Variants in DACH1 observed in about 807,000 individuals in gnomAD.
DACH1 encodes dachshund homolog 1.
Under a neutral mutation model 54.2 loss-of-function variants are expected in DACH1, and 12 were observed. The observed-to-expected ratio is 0.22, with a 90% confidence interval of 0.14 to 0.36. The LOEUF is 0.36. Ranked by LOEUF, DACH1 falls within the 10% of genes least tolerant of loss-of-function variation. The probability of loss-of-function intolerance (pLI) is 1.00; values close to 1 mark genes in which losing one functional copy is unlikely to be tolerated. For synonymous variants in DACH1, 386 were observed against 366.2 expected, an observed-to-expected ratio of 1.05 and a Z score of -0.62; for missense variants, 805 against 929.8, an observed-to-expected ratio of 0.87 and a Z score of 1.75.
chr13:71,442,064 T>A (rs576463944), intron 10 of DACH1, among the ~76,000 whole-genome samples: 11 of 152,230 alleles, frequency 7.2e-5, no homozygotes, highest in African/African-American at 2.4e-4. Flanking sequence ...CTCTTTCAGT[T>A]ATTTTAAAAT....
intron 2 of DACH1, among the ~76,000 whole-genome samples, chr13:71,662,469 C>T (rs1879571408): frequency 1.3e-5 from 2 of 151,850 alleles, no homozygotes; most frequent in South Asian, 4.2e-4. Context: ...ATTTACTCAT[C>T]TGTAAAATGG....
intron 1 of DACH1, among the ~76,000 whole-genome samples, chr13:71,746,202 G>A (rs1417731279): frequency 6.6e-6 from 1 of 152,078 alleles, no homozygotes; most frequent in Non-Finnish European, 1.5e-5. Context: ...TGATGACAGA[G>A]CAAGACCCTG....
intron 1 of DACH1, among the ~76,000 whole-genome samples, chr13:71,778,340 A>C (rs1203297257): frequency 6.6e-6 from 1 of 152,012 alleles, no homozygotes; most frequent in Non-Finnish European, 1.5e-5. Context: ...AAATGTAATT[A>C]ATATTTTGAG....
At chr13:71,824,742 T>G (rs1320985063) in intron 1 of DACH1, among the ~76,000 whole-genome samples, 1 of 152,012 alleles carries the variant, frequency 6.6e-6, no homozygotes, top group Non-Finnish European at 1.5e-5. Flanking sequence ...TCCTTACTAC[T>G]CTCAGGGAGT....
intron 6 of DACH1, among the ~76,000 whole-genome samples, chr13:71,550,381 G>C (rs1883731918): frequency 6.6e-6 from 1 of 152,046 alleles, no homozygotes; most frequent in African/African-American, 2.4e-5. Flanking sequence ...GAAGAAGTTT[G>C]GGCTGAACAC....
chr13:71,475,575 T>C, intron 9 of DACH1, 131 bp downstream of exon 9: 3 of 1,138,376 alleles, frequency 2.6e-6, no homozygotes, highest in Admixed American at 2.5e-5. Context: ...CTTCCCACCC[T>C]GCTTTCAGCT....
intron 6 of DACH1, among the ~76,000 whole-genome samples, chr13:71,506,322 T>A (rs1022820910): frequency 7.8e-6 from 1 of 128,024 alleles, no homozygotes; most frequent in African/African-American, 3.0e-5. Context: ...GAGTGTGATA[T>A]TCCCCTTCCT....
intron 1 of DACH1, among the ~76,000 whole-genome samples, chr13:71,794,023 G>A (rs560689916): frequency 6.6e-6 from 1 of 151,780 alleles, no homozygotes; most frequent in African/African-American, 2.4e-5. Flanking sequence ...ATTTTGCTGT[G>A]TTTAATGCTA....
chr13:71,748,213 G>C (rs369139237), intron 1 of DACH1, among the ~76,000 whole-genome samples: 2 of 151,912 alleles, frequency 1.3e-5, no homozygotes, highest in African/African-American at 4.8e-5. Context: ...AATGTTGAGG[G>C]GGGGAAAGCA....
chr13:71,712,807 A>C (rs1882783703), intron 1 of DACH1, among the ~76,000 whole-genome samples: 2 of 152,094 alleles, frequency 1.3e-5, no homozygotes, highest in East Asian at 1.9e-4. Flanking sequence ...TTTACCCCCC[A>C]AAAAATCAAT....
At chr13:71,787,063 G>A (rs1033332552) in intron 1 of DACH1, among the ~76,000 whole-genome samples, 3 of 152,160 alleles carry the variant, frequency 2.0e-5, no homozygotes, top group African/African-American at 7.2e-5. Context: ...TCACACAAGA[G>A]CCTTTTTCTT....
At chr13:71,598,019 A>ACAGTGAGCCCAGAGGGCTCCTCTC (rs1566368271) in intron 3 of DACH1, among the ~76,000 whole-genome samples, 4 of 151,346 alleles carry the variant, frequency 2.6e-5, no homozygotes, top group Non-Finnish European at 4.4e-5. Flanking sequence ...GGCAGAGGTT[A>ACAGTGAGCCCAGAGGGCTCCTCTC]CAGTGAGCCC....
chr13:71,769,248 ATT>A (rs902642872), intron 1 of DACH1, among the ~76,000 whole-genome samples: 1 of 151,120 alleles, frequency 6.6e-6, no homozygotes. Flanking sequence ...TGCCTTTATA[ATT>A]TTTTTTTCTT....
At chr13:71,748,345 C>T (rs1213158216) in intron 1 of DACH1, among the ~76,000 whole-genome samples, 1 of 152,126 alleles carries the variant, frequency 6.6e-6, no homozygotes, top group African/African-American at 2.4e-5. Flanking sequence ...AAGGCCAAAA[C>T]TGATCACAGT....
intron 10 of DACH1, among the ~76,000 whole-genome samples, chr13:71,454,952 T>C (rs1463271982): frequency 2.0e-5 from 3 of 152,224 alleles, no homozygotes; most frequent in African/African-American, 7.2e-5. Context: ...CAGGTAAATA[T>C]TTTAGTTCTT....
At chr13:71,798,571 T>C (rs1887160421) in intron 1 of DACH1, among the ~76,000 whole-genome samples, 1 of 151,892 alleles carries the variant, frequency 6.6e-6, no homozygotes, top group South Asian at 2.1e-4. Flanking sequence ...TTTATTTAAA[T>C]ATGTTAATAT....
At chr13:71,605,847 G>A (rs2138504009) in intron 3 of DACH1, among the ~76,000 whole-genome samples, 1 of 152,088 alleles carries the variant, frequency 6.6e-6, no homozygotes. Flanking sequence ...GTAATTGAAA[G>A]TGATTGTTGA....
At chr13:71,510,381 A>C (rs1245922314) in intron 6 of DACH1, among the ~76,000 whole-genome samples, 1 of 151,908 alleles carries the variant, frequency 6.6e-6, no homozygotes. Context: ...CTCTACGGGG[A>C]TATCTAATAG....
chr13:71,454,244 T>G (rs1875342285), intron 10 of DACH1, among the ~76,000 whole-genome samples: 1 of 152,132 alleles, frequency 6.6e-6, no homozygotes, highest in Non-Finnish European at 1.5e-5. Context: ...CCTGAATCCA[T>G]TAAATAGTAG....
Sources: gnomAD v4.1 joint callset for allele counts (sites outside exome capture counted in the v4.1 genomes callset) on GRCh38, gnomAD v4.1.1 for gene constraint, MANE v1.5 for transcripts, NCBI Gene and HGNC (gene_info 2026-07-23, HGNC 2026-07-21) for gene names.